PPP1R16B: variants seen among roughly 807,000 people sequenced by gnomAD.
PPP1R16B encodes protein phosphatase 1 regulatory inhibitor subunit 16B.
Under a neutral mutation model 61.7 loss-of-function variants are expected in PPP1R16B, and 14 were observed. That is an observed-to-expected ratio of 0.23 (90% confidence interval 0.15 to 0.35). The LOEUF (loss-of-function observed/expected upper bound fraction) is 0.35. Ranked by LOEUF, PPP1R16B falls within the 10% of genes least tolerant of loss-of-function variation. PPP1R16B has a pLI of 1.00. For synonymous variants in PPP1R16B, 266 were observed against 305.3 expected (o/e 0.87, Z 1.34); for missense variants, 547 against 752.5 (o/e 0.73, Z 3.19).
Position 38,839,301 on chromosome 20 carries a change from A to G in PPP1R16B, c.250+3126A>G, listed in dbSNP as rs116104126. Among the ~76,000 whole-genome samples, 323 of 152,332 alleles carry G rather than the reference A, an allele frequency of 2.1e-3. 4 individuals carry two copies. The highest frequency in any genetic ancestry group is 7.6e-3 in the African/African-American group (314 of 41,568). ...TGGCAAGACTTAGACAAGGTCCTGG[A>G]TGTGACAGTTCTTTGAAAGGTTACC... On this transcript the variant is annotated intron_variant, in intron 2 of 10. Transcript: ENST00000299824.
At chr20:38,873,785 C>G (rs1391314174) in intron 2 of PPP1R16B, among the ~76,000 whole-genome samples, 1 of 147,966 alleles carries the variant, frequency 6.8e-6, no homozygotes, top group Admixed American at 6.8e-5. Context: ...GTTGCCCAGG[C>G]TGGCGTGATC....
chr20:38,912,503 CAAAAAAAAA>C (rs58456397), intron 10 of PPP1R16B, among the ~76,000 whole-genome samples: 2 of 81,026 alleles, frequency 2.5e-5, no homozygotes, highest in Non-Finnish European at 5.2e-5. Flanking sequence ...TACCCCCCAC[CAAAAAAAAA>C]AAAAAAAAAA....
At chr20:38,916,447 T>TTATA (rs537097474) in intron 10 of PPP1R16B, among the ~76,000 whole-genome samples, 1 of 149,622 alleles carries the variant, frequency 6.7e-6, no homozygotes, top group African/African-American at 2.4e-5. Flanking sequence ...ATAAACTAGA[T>TTATA]TATATATATA....
rs532299480 is a variant in PPP1R16B, at chr20:38,808,226, A to G, written c.-102+2434A>G. Among the ~76,000 whole-genome samples, 201 of 152,322 alleles carry G rather than the reference A, an allele frequency of 1.3e-3. 1 individual carries two copies. The highest frequency in any genetic ancestry group is 4.7e-3 in the African/African-American group (194 of 41,562). On this transcript the variant is annotated intron_variant, in intron 1 of 10. Transcript: ENST00000299824. Reference sequence around the variant, plus strand: ...TTTGCAGATGGGAAAACTGGGGCTCAGCTCCTCTCAAAACCAGCTCCATGC... The same window carrying G: ...TTTGCAGATGGGAAAACTGGGGCTCGGCTCCTCTCAAAACCAGCTCCATGC...
At chr20:38,915,504 G>C (rs77435032) in intron 10 of PPP1R16B, among the ~76,000 whole-genome samples, 1 of 150,614 alleles carries the variant, frequency 6.6e-6, no homozygotes, top group East Asian at 1.9e-4. Flanking sequence ...GTTTTTTTTT[G>C]AGACGGAGTC....
chr20:38,832,864 G>A (rs769327085), intron 1 of PPP1R16B, among the ~76,000 whole-genome samples: 1 of 150,096 alleles, frequency 6.7e-6, no homozygotes, highest in Non-Finnish European at 1.5e-5. Flanking sequence ...GTTGCAGTGA[G>A]CCGAGATCAC....
chr20:38,849,872 G>T (rs941619343), intron 2 of PPP1R16B, among the ~76,000 whole-genome samples: 1 of 152,120 alleles, frequency 6.6e-6, no homozygotes, highest in African/African-American at 2.4e-5. Flanking sequence ...GAGGTCAAGC[G>T]CTGCATTTAT....
chr20:38,885,033 T>C (rs1469732742), intron 2 of PPP1R16B, among the ~76,000 whole-genome samples: 2 of 73,638 alleles, frequency 2.7e-5, no homozygotes, highest in African/African-American at 6.0e-5. Flanking sequence ...CTAAACTCTG[T>C]CTCAAAAAAA....
intron 2 of PPP1R16B, among the ~76,000 whole-genome samples, chr20:38,844,443 G>C (rs1277890364): frequency 2.0e-5 from 3 of 152,156 alleles, no homozygotes; most frequent in Non-Finnish European, 4.4e-5. Context: ...TTGTTTGCTA[G>C]ACATCCTTTA....
Position 38,906,005 on chromosome 20 carries a change from G to T in PPP1R16B, c.733G>T (p.Ala245Ser). The T allele has an allele frequency of 6.2e-7, 1 of 1,613,692 alleles. No individual in the cohort carries two copies. Residue 245 changes from alanine (A) to serine (S), a missense_variant, in exon 7 of 11, where the codon GCT becomes TCT. Coordinates refer to ENST00000299824, the MANE Select transcript of PPP1R16B (RefSeq NM_015568.4). ...IAGANGYLRA[A>S]ELLLDHGVRV... ...TGGAGCCAATGGATACCTGCGGGCA[G>T]CTGAGCTCCTCCTGGACCATGGAGT...
At chr20:38,906,141 C>G in intron 7 of PPP1R16B, 47 bp downstream of exon 7, 2 of 1,570,176 alleles carry the variant, frequency 1.3e-6, no homozygotes, top group South Asian at 2.3e-5. Flanking sequence ...ACAGGGCTAA[C>G]CTGCTGACAC....
At chr20:38,878,039 A>G (rs2085180863) in intron 2 of PPP1R16B, among the ~76,000 whole-genome samples, 1 of 133,100 alleles carries the variant, frequency 7.5e-6, no homozygotes, top group South Asian at 2.3e-4. Flanking sequence ...CTCATCTGGT[A>G]CATGTTTGGA....
chr20:38,841,075 A>G (rs912721045), intron 2 of PPP1R16B, among the ~76,000 whole-genome samples: 1 of 152,158 alleles, frequency 6.6e-6, no homozygotes, highest in African/African-American at 2.4e-5. Flanking sequence ...GTTAATCTTC[A>G]CAGCAACTCT....
intron 3 of PPP1R16B, among the ~76,000 whole-genome samples, chr20:38,895,150 A>C (rs899451164): frequency 6.6e-6 from 1 of 152,096 alleles, no homozygotes; most frequent in Non-Finnish European, 1.5e-5. Flanking sequence ...CCTCAACCCA[A>C]CCAATCCTGT....
In PPP1R16B at chr20:38,906,961, C is replaced by A; in HGVS notation, c.823-18C>A. On this transcript the variant is annotated intron_variant, in intron 7 of 10. Coordinates refer to ENST00000299824, the MANE Select transcript of PPP1R16B (RefSeq NM_015568.4). ...AGCTCTGGGCAGGGGGACACATGAG[C>A]TTCTTCCTGTGTTTCAGATGCAGAT... The A allele has an allele frequency of 6.2e-7, 1 of 1,608,824 alleles. No homozygotes were observed. Among genetic ancestry groups the A allele is most frequent in the Non-Finnish European group, 8.5e-7 (1 of 1,175,188 alleles).
intron 1 of PPP1R16B, among the ~76,000 whole-genome samples, chr20:38,814,226 A>C (rs569870048): frequency 2.3e-4 from 35 of 152,318 alleles, no homozygotes; most frequent in Non-Finnish European, 4.4e-4. Context: ...ATCCGGCTTC[A>C]AAGTCCTTGT....
intron 1 of PPP1R16B, among the ~76,000 whole-genome samples, chr20:38,812,892 G>A (rs1386268258): frequency 6.6e-6 from 1 of 152,184 alleles, no homozygotes; most frequent in Non-Finnish European, 1.5e-5. Flanking sequence ...CTTGCATATG[G>A]ATCCCCTTTG....
rs2084655616 is a variant in PPP1R16B, at chr20:38,805,740, C to A, written c.-154C>A. The A allele has an allele frequency of 6.6e-6, 1 of 152,360 alleles. No homozygotes were observed. The highest frequency in any genetic ancestry group is 2.4e-5 in the African/African-American group (1 of 41,578). The allele number at this position is 152,360 out of a possible 1,614,324, so 9.4% of individuals were successfully genotyped here. ...GCTGGAGCAGCTGCGGCTCGGGGAC[C>A]CACAGACACAGCCGGGGTCGGGAGC... On this transcript the variant is annotated 5_prime_UTR_variant, in exon 1 of 11. Transcript: ENST00000299824.
chr20:38,831,984 A>G (rs995620908), intron 1 of PPP1R16B, among the ~76,000 whole-genome samples: 1 of 152,078 alleles, frequency 6.6e-6, no homozygotes, highest in African/African-American at 2.4e-5. Context: ...GTGGTCAGCC[A>G]CTCTGTACAC....
Sources: gnomAD v4.1 joint callset for allele counts (sites outside exome capture counted in the v4.1 genomes callset) on GRCh38, gnomAD v4.1.1 for gene constraint, MANE v1.5 for transcripts, NCBI Gene and HGNC (gene_info 2026-07-23, HGNC 2026-07-21) for gene names.